DRC4: variants seen among roughly 807,000 people sequenced by gnomAD.
DRC4 encodes the protein GAS-11.
chr16:90,020,332 A>C, the DRC4 span, among the ~76,000 whole-genome samples: 6 of 152,020 alleles, frequency 3.9e-5, no homozygotes, highest in East Asian at 1.2e-3. Context: ...AGAAAAGAAA[A>C]GAAAAAGTCT....
At chr16:90,044,054 A>T in the DRC4 span, 2 of 440,892 alleles carry the variant, frequency 4.5e-6, no homozygotes, top group Non-Finnish European at 9.2e-6. Context: ...TGGCCCCAAC[A>T]CACCTGAGAG....
the DRC4 span, chr16:90,040,625 A>G: frequency 1.0e-6 from 1 of 954,124 alleles, no homozygotes; most frequent in South Asian, 1.6e-5. Flanking sequence ...GCCACTGAGG[A>G]GGGGCATTCA....
the DRC4 span, among the ~76,000 whole-genome samples, chr16:90,026,466 G>C: frequency 1.3e-5 from 2 of 152,134 alleles, no homozygotes; most frequent in African/African-American, 4.8e-5. Context: ...TTGAAAGAAA[G>C]GAAACTTGTG....
chr16:90,025,699 C>T, the DRC4 span, among the ~76,000 whole-genome samples: 2 of 120,868 alleles, frequency 1.7e-5, no homozygotes, highest in East Asian at 4.7e-4. Flanking sequence ...GCCTGGCCAA[C>T]ATGGTGAAAC....
chr16:90,035,702 T>A, the DRC4 span: 1 of 1,614,194 alleles, frequency 6.2e-7, no homozygotes, highest in African/African-American at 1.3e-5. Context: ...GTTTCCCGTG[T>A]GCTCATTGTG....
At chr16:90,039,902 C>A in the DRC4 span, 7 of 289,370 alleles carry the variant, frequency 2.4e-5, no homozygotes, top group African/African-American at 1.5e-4. Flanking sequence ...CTCCAAGGGG[C>A]CCCACCTGCA....
At chr16:90,028,906 A>T in the DRC4 span, 9 of 1,278,572 alleles carry the variant, frequency 7.0e-6, no homozygotes, top group East Asian at 1.7e-4. Context: ...AGGTCCTTGA[A>T]CAATGGTAAA....
At chr16:90,039,694 T>C in the DRC4 span, 1 of 161,324 alleles carries the variant, frequency 6.2e-6, no homozygotes, top group Non-Finnish European at 1.4e-5. Flanking sequence ...GCTCAGGGTG[T>C]TCACTTTTTT....
the DRC4 span, chr16:90,040,289 T>A: frequency 1.3e-6 from 2 of 1,568,164 alleles, no homozygotes; most frequent in African/African-American, 2.7e-5. Flanking sequence ...CCCCCAGCGC[T>A]GTCCCTACAG....
chr16:90,042,187 T>C, the DRC4 span: 93 of 503,484 alleles, frequency 1.8e-4, 2 homozygotes, highest in South Asian at 1.4e-3. Context: ...CTGCCCTCCT[T>C]GGCCTCCCAC....
At chr16:90,023,896 G>A in the DRC4 span, among the ~76,000 whole-genome samples, 79,116 of 141,838 alleles carry the variant, frequency 0.56, 23,596 homozygotes, top group East Asian at 0.95. Context: ...GGAGGCTGAG[G>A]CAGGAGAATC....
chr16:90,020,386 C>T, the DRC4 span, among the ~76,000 whole-genome samples: 1 of 152,162 alleles, frequency 6.6e-6, no homozygotes, highest in Non-Finnish European at 1.5e-5. Flanking sequence ...CAGGCCTTCA[C>T]TGAGTTGATG....
the DRC4 span, among the ~76,000 whole-genome samples, chr16:90,035,458 C>T: frequency 2.6e-4 from 40 of 152,290 alleles, no homozygotes; most frequent in Non-Finnish European, 2.5e-4. Flanking sequence ...CAAGCGGGTT[C>T]AGTGCTCACG....
chr16:90,037,981 T>C, the DRC4 span: 1 of 782,780 alleles, frequency 1.3e-6, no homozygotes, highest in Non-Finnish European at 2.2e-6. Context: ...GGGACGGGGC[T>C]CTCCTTGTGG....
chr16:90,021,619 C>A, the DRC4 span, among the ~76,000 whole-genome samples: 1 of 151,958 alleles, frequency 6.6e-6, no homozygotes, highest in Non-Finnish European at 1.5e-5. Flanking sequence ...GTGCTCCCAG[C>A]ACTTTGGGAG....
the DRC4 span, chr16:90,031,101 G>A: frequency 1.6e-6 from 2 of 1,259,134 alleles, no homozygotes; most frequent in Non-Finnish European, 2.1e-6. Flanking sequence ...CCAAATTGAA[G>A]AGAATTCTGC....
chr16:90,022,784 G>A, the DRC4 span: 31 of 1,292,146 alleles, frequency 2.4e-5, no homozygotes, highest in Admixed American at 4.9e-4. Flanking sequence ...CCTCGGGGCA[G>A]GGAGGCCTCG....
At chr16:90,035,109 G>T in the DRC4 span, among the ~76,000 whole-genome samples, 47,015 of 151,722 alleles carry the variant, frequency 0.31, 8,085 homozygotes, top group Middle Eastern at 0.43. Flanking sequence ...CTCCATGTTG[G>T]TCAGGCTGGT....
At chr16:90,037,308 G>A in the DRC4 span, 17,006 of 1,614,006 alleles carry the variant, frequency 0.011, 126 homozygotes, top group Non-Finnish European at 0.013. Context: ...CAGAACAAGC[G>A]CCTGGCAGAC....
Sources: allele counts gnomAD v4.1 joint callset (sites outside exome capture counted in the v4.1 genomes callset), GRCh38; gene constraint gnomAD v4.1.1; transcripts MANE v1.5; gene names NCBI Gene and HGNC (gene_info 2026-07-23, HGNC 2026-07-21).